ZFHX3: variants seen among roughly 807,000 people sequenced by gnomAD.
The protein encoded by ZFHX3 is zinc finger homeobox protein 3.
Under a neutral mutation model 279.1 loss-of-function variants are expected in ZFHX3, and 42 were observed. The observed-to-expected ratio is 0.15, with a 90% CI of 0.12 to 0.19. ZFHX3 has a LOEUF of 0.19. Among genes scored for constraint, ZFHX3 ranks in the 10% least tolerant of loss-of-function variants. The pLI is 1.00. For missense variants in ZFHX3, 4,981 were observed against 4,754.0 expected (o/e 1.05, Z -1.40); for synonymous variants, 2,293 against 1,957.8 (o/e 1.17, Z -4.52).
intron 1 of ZFHX3, among the ~76,000 whole-genome samples, 198 bp from the exon 2 acceptor site, chr16:72,960,392 CG>C (rs750902230): frequency 6.6e-5 from 10 of 152,134 alleles, no homozygotes; most frequent in Admixed American, 1.3e-4. Flanking sequence ...GTGGCATGGC[CG>C]GGTCAACAGC....
chr16:72,788,112 C>A lies in ZFHX3; in HGVS notation c.10164G>T (p.Gln3388His). 6.3e-7 allele frequency: 1 copy of A among 1,598,388 alleles called. No homozygotes were observed. Residue 3388 changes from glutamine (Q) to histidine (H), a missense_variant, in exon 10 of 10, where the codon CAG becomes CAT. This residue lies in a region of ZFHX3 where 1,034 missense variants were observed against 786.0 expected (regional missense o/e 1.32). Coordinates refer to ENST00000268489, the MANE Select transcript of ZFHX3 (RefSeq NM_006885.4). ...QQQRQLQQQQ[Q>H]QKVQQQQPKA... ...TGGGCTGCTGCTGCTGCACTTTTTG[C>A]TGCTGCTGCTGCTGTAGTTGCCGCT...
intron 3 of ZFHX3, among the ~76,000 whole-genome samples, chr16:73,380,035 A>G (rs2016793033): frequency 6.6e-6 from 1 of 152,216 alleles, no homozygotes; most frequent in Admixed American, 6.5e-5. Context: ...GTGAAAACGT[A>G]AAGTACAGAT....
rs144296969 is a variant in ZFHX3, at chr16:73,787,677, G to T, written c.-1608+103974C>A. On this transcript the variant is annotated intron_variant, in intron 1 of 17. Transcript: ENST00000641206. ...AAATCTGATGTAATTTCAGGGGCTTGCCGCCTTGAATGATGGATGCACTAT... is the reference window on the plus strand; with the variant it reads ...AAATCTGATGTAATTTCAGGGGCTTTCCGCCTTGAATGATGGATGCACTAT... Among the ~76,000 whole-genome samples, 846 of 152,276 alleles carry T rather than the reference G, an allele frequency of 5.6e-3. 7 individuals are homozygous for T. The highest frequency in any genetic ancestry group is 0.019 in the African/African-American group (806 of 41,556).
intron 1 of ZFHX3, among the ~76,000 whole-genome samples, chr16:73,043,722 C>A (rs777449017): frequency 6.6e-5 from 10 of 152,228 alleles, no homozygotes; most frequent in Admixed American, 1.3e-4. Flanking sequence ...TCAATCGGCA[C>A]TAAGCCTTGC....
chr16:73,078,260 A>G (rs1286963047), intron 8 of ZFHX3, among the ~76,000 whole-genome samples: 3 of 152,186 alleles, frequency 2.0e-5, no homozygotes, highest in Admixed American at 2.0e-4. Flanking sequence ...AGGGCTTCAT[A>G]AAAACCCAAC....
chr16:73,359,755 G>A (rs1295057040), intron 3 of ZFHX3, among the ~76,000 whole-genome samples: 1 of 152,236 alleles, frequency 6.6e-6, no homozygotes, highest in Non-Finnish European at 1.5e-5. Context: ...CCCGAGGCAT[G>A]AGTGTTTGCA....
intron 1 of ZFHX3, among the ~76,000 whole-genome samples, chr16:73,881,812 C>A (rs541763545): frequency 3.3e-5 from 5 of 152,000 alleles, no homozygotes; most frequent in African/African-American, 1.2e-4. Flanking sequence ...GAGTGTGTAT[C>A]TAAAGGATTT....
At chr16:73,090,725 G>GAA (rs1405893437) in intron 8 of ZFHX3, among the ~76,000 whole-genome samples, 6 of 130,518 alleles carry the variant, frequency 4.6e-5, no homozygotes, top group East Asian at 2.2e-4. Flanking sequence ...GGCCTCTACA[G>GAA]AAAAAAAAAA....
chr16:73,705,351 C>A (rs2053292792), intron 1 of ZFHX3, among the ~76,000 whole-genome samples: 1 of 152,076 alleles, frequency 6.6e-6, no homozygotes, highest in African/African-American at 2.4e-5. Context: ...GGGTTCAATC[C>A]CTGGCACTTC....
intron 2 of ZFHX3, among the ~76,000 whole-genome samples, chr16:72,952,089 G>A (rs1051163068): frequency 6.6e-6 from 1 of 152,100 alleles, no homozygotes; most frequent in Admixed American, 6.5e-5. Context: ...ATATACAAAA[G>A]AAACTAGCCA....
At chr16:73,490,644 C>G (rs575852025) in intron 2 of ZFHX3, among the ~76,000 whole-genome samples, 5 of 152,134 alleles carry the variant, frequency 3.3e-5, no homozygotes, top group Admixed American at 2.0e-4. Flanking sequence ...TTGAGACTAG[C>G]CTGGGAAATA....
At chr16:73,347,176 A>G (rs2143273990) in intron 3 of ZFHX3, among the ~76,000 whole-genome samples, 1 of 152,314 alleles carries the variant, frequency 6.6e-6, no homozygotes, top group Non-Finnish European at 1.5e-5. Flanking sequence ...TAAGTCCCCA[A>G]TTCATGTCAT....
rs377209024 is a variant in ZFHX3, at chr16:73,642,865, A to G, written c.-1547+37315T>C. Among the ~76,000 whole-genome samples, 62 of 152,290 alleles carry G rather than the reference A, an allele frequency of 4.1e-4. No individual in the cohort carries two copies. In the South Asian group the frequency reaches 0.012, roughly 31 times the overall value. ...GCTCCATCCATCAACGGCAGACCCA[A>G]AATGAACGTAGCTTGGAAACTCAGC... On this transcript the variant is annotated intron_variant, in intron 2 of 17. Coordinates refer to the ZFHX3 transcript ENST00000641206.
At chr16:73,485,978 G>A (rs1248642131) in intron 2 of ZFHX3, among the ~76,000 whole-genome samples, 1 of 152,154 alleles carries the variant, frequency 6.6e-6, no homozygotes, top group Non-Finnish European at 1.5e-5. Context: ...CACCTCTCTT[G>A]TTCATCAATG....
intron 2 of ZFHX3, among the ~76,000 whole-genome samples, chr16:73,655,107 C>T (rs569533078): frequency 3.3e-5 from 5 of 152,166 alleles, no homozygotes; most frequent in East Asian, 3.9e-4. Context: ...GTGATCTGCC[C>T]GCCTTGCCTT....
upstream of ZFHX3, among the ~76,000 whole-genome samples, chr16:73,049,950 A>G (rs1317324996): frequency 6.6e-6 from 1 of 152,250 alleles, no homozygotes; most frequent in African/African-American, 2.4e-5. Flanking sequence ...GTATGCTAGC[A>G]GGACCGCAAG....
At chr16:73,663,326 G>A (rs1340984547) in intron 2 of ZFHX3, among the ~76,000 whole-genome samples, 1 of 152,164 alleles carries the variant, frequency 6.6e-6, no homozygotes, top group African/African-American at 2.4e-5. Flanking sequence ...CTGTCAGGTA[G>A]CCCTTTAGCA....
intron 3 of ZFHX3, among the ~76,000 whole-genome samples, chr16:73,389,510 G>C (rs575334313): frequency 2.1e-4 from 32 of 152,290 alleles, no homozygotes; most frequent in Non-Finnish European, 1.0e-4. Context: ...GTAATTAGAA[G>C]GCGTATTTTA....
At chr16:73,400,663 G>T (rs1487798193) in intron 3 of ZFHX3, 1 of 152,184 alleles carries the variant, frequency 6.6e-6, no homozygotes, top group African/African-American at 2.4e-5. Context: ...AACCCGTAAG[G>T]AGCTGCAGTG....
Sources: allele counts gnomAD v4.1 joint callset (sites outside exome capture counted in the v4.1 genomes callset), GRCh38; gene constraint gnomAD v4.1.1; regional missense constraint gnomAD v4.1.1; transcripts MANE v1.5; gene names NCBI Gene and HGNC (gene_info 2026-07-23, HGNC 2026-07-21).